TRIM5: variants seen among roughly 807,000 people sequenced by gnomAD.
The protein encoded by TRIM5 is tripartite motif containing 5, also known as tripartite motif-containing protein 5.
A neutral mutation model predicts 35.6 loss-of-function variants in TRIM5; 31 were observed. The ratio of observed to expected loss-of-function variants is 0.87; its 90% CI spans 0.65 to 1.18. The LOEUF is 1.18. Ranked by LOEUF, TRIM5 falls within the 50% of genes most tolerant of loss-of-function variation. The pLI is 0.00. For synonymous variants in TRIM5, 243 were observed against 215.6 expected (o/e 1.13, Z -1.11); for missense variants, 609 against 591.6 (o/e 1.03, Z -0.31).
At chr11:5,605,299 A>G in the TRIM5 span, 1 of 1,612,822 alleles carries the variant, frequency 6.2e-7, no homozygotes, top group South Asian at 1.1e-5. Flanking sequence ...CCTCAGTGTG[A>G]CCGACTAGCA....
chr11:5,593,093 C>T, the TRIM5 span, among the ~76,000 whole-genome samples: 29,312 of 151,928 alleles, frequency 0.19, 2,932 homozygotes, highest in Middle Eastern at 0.32. Context: ...GTTTCTCCTA[C>T]ATCCCTAAGC....
the TRIM5 span, chr11:5,610,454 C>T: frequency 6.2e-7 from 1 of 1,610,092 alleles, no homozygotes; most frequent in Non-Finnish European, 8.5e-7. Context: ...TCACCATTCC[C>T]CTCAATGTAG....
chr11:5,608,518 G>A, the TRIM5 span: 31 of 1,418,144 alleles, frequency 2.2e-5, no homozygotes, highest in African/African-American at 4.3e-5. Context: ...CTTGAATCGC[G>A]CATCACATGG....
intron 4 of TRIM5, among the ~76,000 whole-genome samples, chr11:5,676,354 C>T (rs1851980062): frequency 6.6e-6 from 1 of 152,040 alleles, no homozygotes; most frequent in African/African-American, 2.4e-5. Context: ...CTCCCATTCA[C>T]AATTGCTTCA....
At chr11:5,643,577 A>G in the TRIM5 span, 1 of 1,613,928 alleles carries the variant, frequency 6.2e-7, no homozygotes, top group Non-Finnish European at 8.5e-7. Context: ...GCATTGTCTC[A>G]TTTTTCAATG....
the TRIM5 span, among the ~76,000 whole-genome samples, chr11:5,614,817 T>TGAC: frequency 6.6e-6 from 1 of 152,204 alleles, no homozygotes; most frequent in Non-Finnish European, 1.5e-5. Context: ...GTAATATAAC[T>TGAC]GACATATAAT....
the TRIM5 span, among the ~76,000 whole-genome samples, chr11:5,654,890 T>C: frequency 6.6e-6 from 1 of 152,066 alleles, no homozygotes. Flanking sequence ...GACTGCAATA[T>C]AAGAAATGGC....
At position 5,664,852 on chromosome 11, in the gene TRIM5, C is replaced by A. The variant is rs1421018339; in HGVS notation, c.1439G>T (p.Arg480Ile). Residue 480 changes from arginine (R) to isoleucine (I), a missense_variant, in exon 8 of 8, where the codon AGA becomes ATA. Physicochemically the swap from Arg to Ile is moderately conservative, Grantham distance 97 (BLOSUM62 -3). Coordinates refer to ENST00000380034, the MANE Select transcript of TRIM5 (RefSeq NM_033034.3). Reference sequence around the variant, plus strand: ...CAGAGTCATGGGGACTCCACATTTTCTAGGATTTAAATATGGAAATACAGG... The same window carrying A: ...CAGAGTCATGGGGACTCCACATTTTATAGGATTTAAATATGGAAATACAGG... ...SQPVFPYLNP[R>I]KCGVPMTLCS... 6.2e-7 allele frequency: 1 copy of A among 1,611,138 alleles called. No homozygotes were observed. The highest frequency in any genetic ancestry group is 1.1e-5 in the South Asian group (1 of 90,544).
At chr11:5,633,944 G>A in the TRIM5 span, 8 of 1,605,808 alleles carry the variant, frequency 5.0e-6, no homozygotes, top group Non-Finnish European at 6.8e-6. Context: ...AATCTTGACA[G>A]GACCTTAATC....
At position 5,667,719 on chromosome 11, in the gene TRIM5, GAA is replaced by G. The variant is rs777380183; in HGVS notation, c.745-10_745-9del. Reference sequence around the variant, plus strand: ...TATGACGCCATCCACACCCTAGGAAGAAGAGAGAAAACATCAATTAAGAAAGA... The same window carrying G: ...TATGACGCCATCCACACCCTAGGAAGGAGAGAAAACATCAATTAAGAAAGA... On this transcript the variant is annotated splice_polypyrimidine_tract_variant and intron_variant, in intron 4 of 7. Transcript: ENST00000380034. 1.9e-6 allele frequency: 3 copies of G among 1,613,120 alleles called. No homozygotes were observed. The highest frequency in any genetic ancestry group is 2.2e-5 in the South Asian group (2 of 90,978).
chr11:5,655,809 A>G, the TRIM5 span: 3 of 455,266 alleles, frequency 6.6e-6, no homozygotes, highest in East Asian at 1.6e-4. Context: ...GCAAACTTCC[A>G]TTGGTCTATA....
intron 4 of TRIM5, among the ~76,000 whole-genome samples, chr11:5,670,278 T>A (rs371518841): frequency 2.7e-5 from 4 of 146,818 alleles, no homozygotes; most frequent in Middle Eastern, 3.7e-3. Context: ...CCTGGGTTCA[T>A]GCCATTCTCC....
chr11:5,641,310 C>T, the TRIM5 span: 23 of 1,558,692 alleles, frequency 1.5e-5, no homozygotes, highest in Middle Eastern at 6.7e-4. Flanking sequence ...TTGGATGTAT[C>T]GTTATCTTAA....
At chr11:5,681,019 C>A (rs1267837048) in intron 1 of TRIM5, among the ~76,000 whole-genome samples, 1 of 152,136 alleles carries the variant, frequency 6.6e-6, no homozygotes, top group East Asian at 1.9e-4. Context: ...GAATCCACAA[C>A]AGCTGGGAGG....
the TRIM5 span, chr11:5,625,153 T>C: frequency 2.0e-5 from 3 of 152,104 alleles, no homozygotes; most frequent in Non-Finnish European, 4.4e-5. Context: ...TGGCCCCAAG[T>C]CTCCCCTGCT....
chr11:5,676,826 A>G (rs1172933620), intron 4 of TRIM5, among the ~76,000 whole-genome samples: 2 of 151,070 alleles, frequency 1.3e-5, no homozygotes. Context: ...GATCTTTGAC[A>G]AACCTGAGAA....
the TRIM5 span, chr11:5,645,582 A>G: frequency 6.5e-6 from 1 of 153,660 alleles, no homozygotes; most frequent in African/African-American, 2.4e-5. Flanking sequence ...TGATGTAAAC[A>G]TTATAAAATT....
the TRIM5 span, among the ~76,000 whole-genome samples, chr11:5,631,673 G>A: frequency 2.9e-3 from 440 of 152,280 alleles, 2 homozygotes; most frequent in African/African-American, 9.5e-3. Context: ...GGGTTCTAAA[G>A]TTCAGCTATT....
At chr11:5,678,464 C>G in intron 3 of TRIM5, 30 bp from the exon 4 acceptor site, 1 of 1,474,066 alleles carries the variant, frequency 6.8e-7, no homozygotes, top group Non-Finnish European at 9.1e-7. Flanking sequence ...GAAAGGGGCA[C>G]TCAGTCTACC....
Sources: gnomAD v4.1 joint callset for allele counts (sites outside exome capture counted in the v4.1 genomes callset) on GRCh38, gnomAD v4.1.1 for gene constraint, MANE v1.5 for transcripts, NCBI Gene and HGNC (gene_info 2026-07-23, HGNC 2026-07-21) for gene names.